Variants in HOXA7 observed in about 807,000 individuals in gnomAD.
HOXA7 encodes homeobox A7, also known as homeobox protein Hox-A7.
A neutral mutation model predicts 16.8 loss-of-function variants in HOXA7; 16 were observed. The ratio of observed to expected loss-of-function variants is 0.95; its 90% CI spans 0.64 to 1.44. HOXA7 has a LOEUF of 1.44. HOXA7 is among the 40% of genes most tolerant of loss of function. The pLI is 0.00. For missense variants in HOXA7, 379 were observed against 328.6 expected (o/e 1.15, Z -1.19); for synonymous variants, 169 against 144.3 (o/e 1.17, Z -1.23).
chr7:27,156,504 A>C lies in HOXA7; in HGVS notation c.42T>G (p.Tyr14Ter), dbSNP rs377689779. 6.3e-7 allele frequency: 1 copy of C among 1,587,580 alleles called. No homozygotes were observed. The highest frequency in any genetic ancestry group is 8.6e-7 in the Non-Finnish European group (1 of 1,164,394). Residue 14 changes from tyrosine to a stop codon, truncating the protein, a stop_gained, in exon 1 of 2, where the codon TAT becomes TAG. Coordinates refer to ENST00000242159, the MANE Select transcript of HOXA7 (RefSeq NM_006896.4). LOFTEE classifies it high-confidence loss of function. ...TTTGGAACAGAGAAGCCCCCGCCGT[A>C]TATTTGCTAAAAAGCGCGTTCACAT... The part of the protein sequence containing the change: ...SYYVNALFSK[Y>*]TAGASLFQNA...
At position 27,153,961 on chromosome 7, in the gene HOXA7, T is replaced by C. The variant is rs1029869054; in HGVS notation, c.*948A>G. ...TCAAGACACTGCCTTACAAATGAAC[T>C]CCAAGACTATAGAAATGATAAAAAA... On this transcript the variant is annotated 3_prime_UTR_variant, in exon 2 of 2. Transcript: ENST00000242159. 6.6e-6 allele frequency: 1 copy of C among 152,556 alleles called. No individual in the cohort carries two copies. The highest frequency in any genetic ancestry group is 2.4e-5 in the African/African-American group (1 of 41,408). 9.5% of individuals were successfully genotyped at this position (152,556 alleles called of 1,614,324 possible). A position where few individuals can be genotyped will look rare whatever the true frequency, so the allele number is the denominator to read the frequency against.
intron 1 of HOXA7, 148 bp downstream of exon 1, chr7:27,156,019 G>C (rs1459967128): frequency 7.6e-6 from 7 of 922,968 alleles, no homozygotes; most frequent in Non-Finnish European, 1.0e-5. Context: ...AACCAGAAAG[G>C]CTGCGCCGGG....
In HOXA7 at chr7:27,155,106, C is replaced by G. The variant is rs758229054; in HGVS notation, c.496G>C (p.Ala166Pro). 4.3e-6 allele frequency: 7 copies of G among 1,614,122 alleles called. No homozygotes were observed. The highest frequency in any genetic ancestry group is 4.2e-6 in the Non-Finnish European group (5 of 1,180,046). The change falls in exon 2 of 2, where the codon GCG becomes CCG. Residue 166 changes from alanine (A) to proline (P), a missense_variant. Physicochemically the swap from Ala to Pro is conservative, Grantham distance 27. Coordinates refer to ENST00000242159, the MANE Select transcript of HOXA7 (RefSeq NM_006896.4). ...ATCTGGCGCTCGGTGAGGCAGAGCG[C>G]GTGGGCGATTTCAATGCGGCGGCGC... is the stretch of plus-strand genomic sequence containing the variant. ...TRRRRIEIAH[A>P]LCLTERQIKI...
In HOXA7 at chr7:27,156,474, G is replaced by A. The variant is rs1019188548; in HGVS notation, c.72C>T (p.Ala24=). 2 of 1,611,624 alleles carry A rather than the reference G, an allele frequency of 1.2e-6. No homozygotes were observed. The highest frequency in any genetic ancestry group is 1.7e-6 in the Non-Finnish European group (2 of 1,178,324). ...GAGCAAAGGAGCAAGAAGTCGGCTC[G>A]GCATTTTGGAACAGAGAAGCCCCCG... is the stretch of plus-strand genomic sequence containing the variant. ...YTAGASLFQN[A]EPTSCSFAPN... The change falls in exon 1 of 2, where the codon GCC becomes GCT. Residue 24 remains alanine, a synonymous_variant. Coordinates refer to ENST00000242159, the MANE Select transcript of HOXA7 (RefSeq NM_006896.4).
chr7:27,156,642 A>C lies in HOXA7; in HGVS notation c.-97T>G, dbSNP rs1583421760. The C allele has an allele frequency of 1.5e-6, 2 of 1,338,532 alleles. No homozygotes were observed. The highest frequency in any genetic ancestry group is 1.5e-5 in the South Asian group (1 of 68,534). The allele number at this position is 1,338,532 out of a possible 1,614,324, so 82.9% of individuals were successfully genotyped here. A position where few individuals can be genotyped will look rare whatever the true frequency, so the allele number is the denominator to read the frequency against. On this transcript the variant is annotated 5_prime_UTR_variant, in exon 1 of 2. Transcript: ENST00000242159. Reference sequence around the variant, plus strand: ...CATTACACCCCCAGATTTACACCAAACCCCATTTTCTTTTGGACGGAGCTC... The same window carrying C: ...CATTACACCCCCAGATTTACACCAACCCCCATTTTCTTTTGGACGGAGCTC...
rs759115973 is a variant in HOXA7, at chr7:27,156,388, C to A, written c.158G>T (p.Gly53Val). ...AAGGGGGCTGTTGACATTGTATAAG[C>A]CCGGAACGGTCGAGGCGAAGGCGCC... ...GAGAFASTVP[G>V]LYNVNSPLYQ... The change falls in exon 1 of 2, where the codon GGC becomes GTC. Residue 53 changes from glycine (G) to valine (V), a missense_variant. Transcript: ENST00000242159. The A allele has an allele frequency of 1.2e-6, 2 of 1,613,914 alleles. No homozygotes were observed. The highest frequency in any genetic ancestry group is 1.7e-6 in the Non-Finnish European group (2 of 1,179,862).
At position 27,155,320 on chromosome 7, in the gene HOXA7, T is replaced by C. The variant is rs1783087588; in HGVS notation, c.380-98A>G. ...CAGAGCCCGCACCTTCCTCCTGGCC[T>C]AGTCCCCAGCGAGCATCCCCCTCTG... On this transcript the variant is annotated intron_variant, in intron 1 of 1. Transcript: ENST00000242159. 3.1e-5 allele frequency: 35 copies of C among 1,140,030 alleles called. 1 individual carries two copies. The South Asian group carries it at 4.7e-4, about 15-fold the overall frequency. The allele number at this position is 1,140,030 out of a possible 1,614,324, so 70.6% of individuals were successfully genotyped here.
rs146964934 is a variant in HOXA7 at position 27,154,927 on chromosome 7, C to T, written c.675G>A (p.Glu225=). The T allele has an allele frequency of 4.0e-3, 6,429 of 1,610,500 alleles. 27 individuals carry two copies. The highest frequency in any genetic ancestry group is 6.0e-3 in the Middle Eastern group (36 of 6,050). ...KADEEDDDEE[E]EDEEE ...CGGCCCCTCATTCCTCCTCGTCTTC[C>T]TCTTCTTCATCATCGTCCTCCTCGT... is the stretch of plus-strand genomic sequence containing the variant. Residue 225 remains glutamate (E), a synonymous_variant, in exon 2 of 2, where the codon GAG becomes GAA. Coordinates refer to ENST00000242159, the MANE Select transcript of HOXA7 (RefSeq NM_006896.4).
chr7:27,155,961 A>T, intron 1 of HOXA7: 1 of 487,826 alleles, frequency 2.0e-6, no homozygotes, highest in Non-Finnish European at 3.3e-6. Context: ...AGCCTCATTT[A>T]CATACAATGC....
chr7:27,155,801 A>C (rs1783095450), intron 1 of HOXA7: 1 of 192,668 alleles, frequency 5.2e-6, no homozygotes, highest in Non-Finnish European at 1.0e-5. Flanking sequence ...AAATGAGGAG[A>C]GAGAGAAGAA....
In HOXA7 at chr7:27,156,270, G is replaced by A; in HGVS notation, c.276C>T (p.Leu92=). The A allele has an allele frequency of 6.2e-7, 1 of 1,612,970 alleles. No homozygotes were observed. The highest frequency in any genetic ancestry group is 2.2e-5 in the East Asian group (1 of 44,860). Residue 92 remains leucine (L), a synonymous_variant, in exon 1 of 2, where the codon CTC becomes CTT. Transcript: ENST00000242159. ...AGGCGCCTTTGGCGAGGTCACTGCA[G>A]AGCCCGGGGATGTTTTGGTCGTAGG... The part of the protein sequence containing the change: ...CASYDQNIPG[L]CSDLAKGACD...
At position 27,156,391 on chromosome 7, in the gene HOXA7, G is replaced by C; in HGVS notation, c.155C>G (p.Pro52Arg). Reference protein sequence around the residue: ...AGAGAFASTVPGLYNVNSPLY... With the variant: ...AGAGAFASTVRGLYNVNSPLY... ...GGGGCTGTTGACATTGTATAAGCCC[G>C]GAACGGTCGAGGCGAAGGCGCCGGC... Residue 52 changes from proline (P) to arginine (R), a missense_variant, in exon 1 of 2, where the codon CCG (proline) becomes CGG (arginine). Physicochemically the swap from Pro to Arg is moderately radical, Grantham distance 103. Coordinates refer to ENST00000242159, the MANE Select transcript of HOXA7 (RefSeq NM_006896.4). The C allele has an allele frequency of 6.2e-7, 1 of 1,613,828 alleles. No individual in the cohort carries two copies. Among genetic ancestry groups the C allele is most frequent in the Non-Finnish European group, 8.5e-7 (1 of 1,179,810 alleles).
At position 27,156,185 on chromosome 7, in the gene HOXA7, G is replaced by A. The variant is rs749030294; in HGVS notation, c.361C>T (p.Pro121Ser). 12 of 1,577,970 alleles carry A rather than the reference G, an allele frequency of 7.6e-6. No individual in the cohort carries two copies. Among genetic ancestry groups the A allele is most frequent in the South Asian group, 6.8e-5 (6 of 88,234 alleles). Residue 121 changes from proline (P) to serine (S), a missense_variant, in exon 1 of 2, where the codon CCC becomes TCC. Pro to Ser is a moderately conservative substitution (Grantham distance 74). Coordinates refer to ENST00000242159, the MANE Select transcript of HOXA7 (RefSeq NM_006896.4). Reference protein sequence around the residue: ...GAAEANFRIYPWMRSSGPDRK... With the variant: ...GAAEANFRIYSWMRSSGPDRK... The stretch of plus-strand genomic sequence containing the variant: ...CGCCTACCTGAAGACCGCATCCAGG[G>A]GTAGATGCGGAAATTGGCCTCAGCC...
Position 27,153,861 on chromosome 7 carries a change from C to G in HOXA7, c.*1048G>C, listed in dbSNP as rs957264309. The G allele has an allele frequency of 6.5e-6, 1 of 152,694 alleles. No individual in the cohort carries two copies. The highest frequency in any genetic ancestry group is 6.5e-5 in the Admixed American group (1 of 15,278). The allele number at this position is 152,694 out of a possible 1,614,324, so 9.5% of individuals were successfully genotyped here. ...AAGGGCATTGCGGAGGGCATTGGAC[C>G]TCCCCACCCACTACAGTTAACTCAA... On this transcript the variant is annotated 3_prime_UTR_variant, in exon 2 of 2. Transcript: ENST00000242159.
rs770701724 is a variant in HOXA7, at chr7:27,156,426, G to A, written c.120C>T (p.Tyr40=). The change falls in exon 1 of 2, where the codon TAC becomes TAT. Residue 40 remains tyrosine, a synonymous_variant. Transcript: ENST00000242159. ...SFAPNSQRSG[Y]GAGAGAFAST... ...AGGCGAAGGCGCCGGCGCCCGCCCC[G>A]TAGCCGCTTCTCTGTGAGTTGGGAG... is the stretch of plus-strand genomic sequence containing the variant. The A allele has an allele frequency of 1.9e-6, 3 of 1,613,700 alleles. No homozygotes were observed. The highest frequency in any genetic ancestry group is 2.2e-5 in the South Asian group (2 of 91,068).
intron 1 of HOXA7, chr7:27,155,561 C>T (rs1783091616): frequency 6.7e-6 from 2 of 300,344 alleles, no homozygotes; most frequent in South Asian, 6.7e-5. Context: ...AAACGCTGCA[C>T]TTTTGCCATT....
Position 27,155,184 on chromosome 7 carries a change from AGCGC to A in HOXA7, c.414_417del (p.Arg139ThrfsTer16). ...TCCTTCTCCAGCTCCAGCGTCTGGT[AGCGC>A]GTGTAGGTCTGGCGGCCCCGCTTCC... is the stretch of plus-strand genomic sequence containing the variant. On this transcript the variant is annotated frameshift_variant, in exon 2 of 2. Transcript: ENST00000242159. LOFTEE classifies it high-confidence loss of function. 1 of 1,614,234 alleles carries A rather than the reference AGCGC, an allele frequency of 6.2e-7. No homozygotes were observed. The highest frequency in any genetic ancestry group is 8.5e-7 in the Non-Finnish European group (1 of 1,180,026).
rs750200293 is a variant in HOXA7 at position 27,156,300 on chromosome 7, G to C, written c.246C>G (p.Cys82Trp). 3 of 1,613,694 alleles carry C rather than the reference G, an allele frequency of 1.9e-6. No individual in the cohort carries two copies. The highest frequency in any genetic ancestry group is 2.5e-6 in the Non-Finnish European group (3 of 1,179,924). ...LGADAYGNLP[C>W]ASYDQNIPGL... ...CGGGGATGTTTTGGTCGTAGGAGGC[G>C]CAGGGCAGGTTGCCGTAGGCGTCGG... is the stretch of plus-strand genomic sequence containing the variant. The change falls in exon 1 of 2, where the codon TGC (cysteine) becomes TGG (tryptophan). Residue 82 changes from cysteine to tryptophan, a missense_variant. Coordinates refer to ENST00000242159, the MANE Select transcript of HOXA7 (RefSeq NM_006896.4).
intron 1 of HOXA7, chr7:27,155,859 C>A: frequency 3.4e-6 from 1 of 298,046 alleles, no homozygotes; most frequent in Non-Finnish European, 6.1e-6. Flanking sequence ...GACAGAATAG[C>A]GAACAAACTT....
Sources: gnomAD v4.1 joint callset for allele counts on GRCh38, gnomAD v4.1.1 for gene constraint, MANE v1.5 for transcripts, NCBI Gene and HGNC (gene_info 2026-07-23, HGNC 2026-07-21) for gene names.